The following CTNNA3 variants were observed in gnomAD, a reference collection of about 807,000 sequenced individuals.
CTNNA3 encodes catenin alpha-3.
A neutral mutation model predicts 95.7 loss-of-function variants in CTNNA3; 76 were observed. That is an observed-to-expected ratio of 0.79 (90% CI 0.66 to 0.96). The LOEUF is 0.96. Ranked by LOEUF, CTNNA3 falls within the 40% of genes least tolerant of loss-of-function variation. CTNNA3 has a pLI of 0.00. For missense variants in CTNNA3, 1,191 were observed against 1,089.8 expected (o/e 1.09, Z -1.31); for synonymous variants, 431 against 374.4 (o/e 1.15, Z -1.74).
intron 5 of CTNNA3, among the ~76,000 whole-genome samples, chr10:67,479,894 G>A (rs955509726): frequency 6.6e-6 from 1 of 152,020 alleles, no homozygotes; most frequent in African/African-American, 2.4e-5. Context: ...AATCCAAAAT[G>A]ACAAAGATGA....
chr10:66,384,210 T>G (rs1415779054), intron 11 of CTNNA3, among the ~76,000 whole-genome samples: 1 of 152,100 alleles, frequency 6.6e-6, no homozygotes, highest in Admixed American at 6.5e-5. Flanking sequence ...CCACCTCATG[T>G]GCAAAGATGC....
chr10:66,372,942 C>T (rs2092765143), intron 12 of CTNNA3, among the ~76,000 whole-genome samples: 1 of 152,120 alleles, frequency 6.6e-6, no homozygotes, highest in Admixed American at 6.6e-5. Context: ...GGGGACACAG[C>T]CAAACCACAT....
chr10:66,366,925 A>G (rs2092714587), intron 12 of CTNNA3, among the ~76,000 whole-genome samples: 1 of 152,146 alleles, frequency 6.6e-6, no homozygotes, highest in Non-Finnish European at 1.5e-5. Flanking sequence ...TTATAACTAC[A>G]ACAGTTACAG....
At chr10:66,765,619 T>C (rs1442123992) in intron 9 of CTNNA3, among the ~76,000 whole-genome samples, 2 of 152,104 alleles carry the variant, frequency 1.3e-5, no homozygotes, top group African/African-American at 4.8e-5. Flanking sequence ...ACTTGTGTTA[T>C]TGACATCCAT....
At chr10:66,588,521 A>C (rs1165823911) in intron 10 of CTNNA3, among the ~76,000 whole-genome samples, 1 of 152,160 alleles carries the variant, frequency 6.6e-6, no homozygotes, top group Non-Finnish European at 1.5e-5. Flanking sequence ...CCTGCAACTT[A>C]GCATGCTTCT....
At chr10:66,697,068 C>G (rs1465139457) in intron 9 of CTNNA3, among the ~76,000 whole-genome samples, 1 of 152,042 alleles carries the variant, frequency 6.6e-6, no homozygotes, top group Non-Finnish European at 1.5e-5. Flanking sequence ...TGTTAGGAAG[C>G]AACTGCCCAT....
chr10:67,381,811 G>T (rs557128199), intron 5 of CTNNA3, among the ~76,000 whole-genome samples: 3 of 152,236 alleles, frequency 2.0e-5, no homozygotes, highest in South Asian at 4.2e-4. Flanking sequence ...AGCACCTCCA[G>T]CCCTTTCTGA....
chr10:67,405,660 C>G (rs1394090986), intron 5 of CTNNA3, among the ~76,000 whole-genome samples: 1 of 152,030 alleles, frequency 6.6e-6, no homozygotes, highest in African/African-American at 2.4e-5. Flanking sequence ...AGAAAATTAA[C>G]AAAAATATTC....
intron 7 of CTNNA3, among the ~76,000 whole-genome samples, chr10:66,901,227 C>G (rs190000241): frequency 8.3e-4 from 127 of 152,264 alleles, no homozygotes; most frequent in African/African-American, 2.9e-3. Flanking sequence ...CAATATTCAA[C>G]ATTTAAAGAA....
At chr10:66,106,715 T>C (rs984010845) in intron 13 of CTNNA3, among the ~76,000 whole-genome samples, 6 of 152,172 alleles carry the variant, frequency 3.9e-5, no homozygotes, top group African/African-American at 1.4e-4. Context: ...CATCCCAATA[T>C]ACACCTTTAT....
chr10:67,257,871 A>G (rs1003551554), intron 5 of CTNNA3, among the ~76,000 whole-genome samples: 2 of 152,214 alleles, frequency 1.3e-5, no homozygotes, highest in East Asian at 3.8e-4. Context: ...TGAAGTGTTC[A>G]GGTGTGACTT....
intron 5 of CTNNA3, among the ~76,000 whole-genome samples, chr10:67,463,582 T>C (rs7095946): frequency 0.31 from 46,828 of 152,104 alleles, 11,876 homozygotes; most frequent in African/African-American, 0.7. Flanking sequence ...AATACATGTG[T>C]TCAATTTAAT....
rs554470547 is a variant in CTNNA3, at chr10:66,318,987, G to A, written c.1733-38366C>T. ...TCGTTCACGCATTGCAAGCCCTTGA[G>A]TTACTCCTGAGAGAAAGAAAGGAGC... On this transcript the variant is annotated intron_variant, in intron 12 of 17. Transcript: ENST00000433211. 2.0e-5 allele frequency among the ~76,000 whole-genome samples: 3 copies of A among 151,836 alleles called. No homozygotes were observed. In the South Asian group the frequency reaches 6.2e-4, roughly 32 times the overall value.
intron 11 of CTNNA3, among the ~76,000 whole-genome samples, chr10:66,463,724 A>T (rs2093544938): frequency 6.6e-6 from 1 of 152,100 alleles, no homozygotes; most frequent in South Asian, 2.1e-4. Context: ...CCCTATACTG[A>T]TAGGGCAGAT....
At chr10:67,427,829 C>T (rs1006350446) in intron 5 of CTNNA3, among the ~76,000 whole-genome samples, 41 of 152,056 alleles carry the variant, frequency 2.7e-4, no homozygotes, top group African/African-American at 9.4e-4. Flanking sequence ...TGATTCTGGG[C>T]CCAGAAGATG....
intron 13 of CTNNA3, among the ~76,000 whole-genome samples, chr10:66,166,382 T>C (rs767327561): frequency 4.6e-5 from 7 of 151,484 alleles, no homozygotes; most frequent in Non-Finnish European, 8.8e-5. Flanking sequence ...TAATCCCAGC[T>C]ACCTGGGAGG....
chr10:66,773,774 G>C (rs1176894385), intron 8 of CTNNA3, among the ~76,000 whole-genome samples: 2 of 152,132 alleles, frequency 1.3e-5, no homozygotes, highest in Admixed American at 1.3e-4. Context: ...TCTACAAGAT[G>C]GGAGTATCTT....
chr10:67,705,569 A>T lies in CTNNA3; in HGVS notation c.-2+57865T>A, dbSNP rs533737218. On this transcript the variant is annotated intron_variant, in intron 1 of 17. Coordinates refer to the CTNNA3 transcript ENST00000684154. ...CGCATATTCTCACTCATAGGTGGGA[A>T]TTGAACAATGAGAACACATGGACAC... 3.3e-4 allele frequency among the ~76,000 whole-genome samples: 47 copies of T among 143,122 alleles called. 1 individual carries two copies. The East Asian group carries it at 1.0e-2, about 30-fold the overall frequency. The allele number at this position is 143,122 out of a possible 152,430, so 93.9% of individuals were successfully genotyped here.
At chr10:67,530,254 G>A (rs369455477) in intron 4 of CTNNA3, among the ~76,000 whole-genome samples, 6 of 152,220 alleles carry the variant, frequency 3.9e-5, no homozygotes, top group African/African-American at 9.6e-5. Context: ...AACAGGCAGC[G>A]GTTGGAACAG....
Sources: allele counts gnomAD v4.1 joint callset (sites outside exome capture counted in the v4.1 genomes callset), GRCh38; gene constraint gnomAD v4.1.1; transcripts MANE v1.5; gene names NCBI Gene and HGNC (gene_info 2026-07-23, HGNC 2026-07-21).